FBXO9: variants seen among roughly 807,000 people sequenced by gnomAD.
FBXO9 encodes the protein F-box only protein 9.
In FBXO9, 43 loss-of-function variants were observed where a neutral mutation model predicts 63.7. That is an observed-to-expected ratio of 0.67 (90% CI 0.53 to 0.87). The LOEUF (loss-of-function observed/expected upper bound fraction) is 0.87, where lower values mean the gene tolerates loss of function less well. FBXO9 is among the 40% of genes least tolerant of loss of function. The pLI, the probability that FBXO9 is intolerant of heterozygous loss-of-function variation, is 0.00. For missense variants in FBXO9, 442 were observed against 533.2 expected (o/e 0.83, Z 1.68); for synonymous variants, 156 against 171.7 (o/e 0.91, Z 0.72).
At chr6:53,065,834 G>A in intron 1 of FBXO9, 42 bp downstream of exon 1, 13 of 1,314,136 alleles carry the variant, frequency 9.9e-6, no homozygotes, top group Non-Finnish European at 1.3e-5. Context: ...CCGCGGGGCG[G>A]GAGCGTGGTG....
Position 53,065,501 on chromosome 6 carries a change from A to G in FBXO9, c.-289A>G, listed in dbSNP as rs770854951. On this transcript the variant is annotated 5_prime_UTR_variant, in exon 1 of 13. Transcript: ENST00000323557. ...GGGCTGACGCTCCGGTGCTCGCACA[A>G]TCCCCCGCCTCGGCTGGCAACGGGC... 39 of 369,590 alleles carry G rather than the reference A, an allele frequency of 1.1e-4. No individual in the cohort carries two copies. Among genetic ancestry groups the G allele is most frequent in the Non-Finnish European group, 1.6e-4 (34 of 206,844 alleles). 22.9% of individuals were successfully genotyped at this position (369,590 alleles called of 1,614,324 possible).
chr6:53,077,497 A>G (rs1769159913), intron 4 of FBXO9, among the ~76,000 whole-genome samples: 1 of 151,126 alleles, frequency 6.6e-6, no homozygotes, highest in African/African-American at 2.4e-5. Context: ...AAAAAAAAAA[A>G]AAAGAAATAT....
At position 53,098,050 on chromosome 6, in the gene FBXO9, G is replaced by A. The variant is rs951864323; in HGVS notation, c.*220G>A. On this transcript the variant is annotated 3_prime_UTR_variant, in exon 13 of 13. Transcript: ENST00000323557. The stretch of plus-strand genomic sequence containing the variant: ...AATTGATTATTTTTTTTATTTAAAG[G>A]GATAGTTGATTCCTGGGGTGTTTTG... 3 of 197,706 alleles carry A rather than the reference G, an allele frequency of 1.5e-5. No individual in the cohort carries two copies. The highest frequency in any genetic ancestry group is 3.2e-5 in the Non-Finnish European group (3 of 93,228). The allele number at this position is 197,706 out of a possible 1,614,324, so 12.2% of individuals were successfully genotyped here.
At chr6:53,082,361 G>A in intron 6 of FBXO9, 143 bp from the exon 7 acceptor site, 1 of 473,718 alleles carries the variant, frequency 2.1e-6, no homozygotes, top group Admixed American at 3.7e-5. Context: ...TTATTGAGTA[G>A]CTAAATACAT....
intron 12 of FBXO9, 99 bp from the exon 13 acceptor site, chr6:53,097,623 A>G: frequency 3.4e-6 from 2 of 591,802 alleles, no homozygotes; most frequent in South Asian, 2.4e-5. Context: ...ATTAAAAATA[A>G]AAAAGGCTAA....
rs138182216 is a variant in FBXO9, at chr6:53,095,527, T to C, written c.1068T>C (p.Tyr356=). The part of the protein sequence containing the change: ...TKKKEEKPLD[Y]KYRYFRRVPV... ...TTCTTTTGCAGAAACCACTTGACTA[T>C]AAATACAGATATTTTCGTCGTGTCC... The change falls in exon 12 of 13, where the codon TAT becomes TAC. Residue 356 remains tyrosine, a synonymous_variant. Coordinates refer to ENST00000323557, the MANE Select transcript of FBXO9 (RefSeq NM_033480.3). 4.7e-5 allele frequency: 75 copies of C among 1,611,472 alleles called. 1 individual carries two copies. The African/African-American group carries it at 7.7e-4, about 17-fold the overall frequency.
intron 3 of FBXO9, among the ~76,000 whole-genome samples, chr6:53,074,232 C>A (rs1017563045): frequency 6.6e-6 from 1 of 152,084 alleles, no homozygotes; most frequent in Non-Finnish European, 1.5e-5. Flanking sequence ...TCTTATTCTT[C>A]TTCCATAGAG....
chr6:53,082,068 CA>C (rs1004703364), intron 6 of FBXO9, among the ~76,000 whole-genome samples: 13 of 144,090 alleles, frequency 9.0e-5, no homozygotes, highest in East Asian at 2.0e-4. Flanking sequence ...GAACCTGTCA[CA>C]AAAAAAAAAG....
Position 53,080,978 on chromosome 6 carries a change from A to G in FBXO9, c.418A>G (p.Asn140Asp), listed in dbSNP as rs1012965195. Residue 140 changes from asparagine (N) to aspartate (D), a missense_variant, in exon 6 of 13, where the codon AAT becomes GAT. Coordinates refer to ENST00000323557, the MANE Select transcript of FBXO9 (RefSeq NM_033480.3). ...CCTCCCTTTTTTCAGCATTGAAGAT[A>G]ATGATGATGACAGCAAAATGGCAGA... ...DGVGNSYIED[N>D]DDDSKMADLL... 20 of 1,613,580 alleles carry G rather than the reference A, an allele frequency of 1.2e-5. No individual in the cohort carries two copies. Among genetic ancestry groups the G allele is most frequent in the Non-Finnish European group, 1.5e-5 (18 of 1,179,844 alleles).
In FBXO9 at chr6:53,071,099, G is replaced by C; in HGVS notation, c.46G>C (p.Asp16His). The C allele has an allele frequency of 1.9e-6, 3 of 1,569,858 alleles. No homozygotes were observed. The highest frequency in any genetic ancestry group is 2.6e-6 in the Non-Finnish European group (3 of 1,153,978). Residue 16 changes from aspartate to histidine, a missense_variant, in exon 2 of 13, where the codon GAT (aspartate) becomes CAT (histidine). Physicochemically the swap from Asp to His is moderately conservative, Grantham distance 81 (BLOSUM62 -1). Transcript: ENST00000323557. Reference protein sequence around the residue: ...EDCHSDTVRADDDEENESPAE... With the variant: ...EDCHSDTVRAHDDEENESPAE... ...TTGTCATTCTGATACTGTCAGAGCA[G>C]ATGATGATGAAGAAAATGAAAGTCC...
intron 7 of FBXO9, among the ~76,000 whole-genome samples, chr6:53,085,529 A>T (rs539933074): frequency 2.0e-4 from 30 of 152,214 alleles, no homozygotes; most frequent in African/African-American, 6.7e-4. Context: ...ATCATGACTG[A>T]CACTGTCACA....
At chr6:53,094,022 C>T (rs1237936106) in intron 11 of FBXO9, 44 bp downstream of exon 11, 4 of 1,242,426 alleles carry the variant, frequency 3.2e-6, no homozygotes, top group Non-Finnish European at 4.5e-6. Flanking sequence ...ATCTTAATAG[C>T]CTATTCATCC....
At chr6:53,072,799 C>T (rs1011228714) in intron 2 of FBXO9, among the ~76,000 whole-genome samples, 7 of 151,938 alleles carry the variant, frequency 4.6e-5, no homozygotes, top group Non-Finnish European at 7.4e-5. Context: ...TGCTGACTGC[C>T]AACCTCTGCC....
intron 1 of FBXO9, chr6:53,066,244 A>T: frequency 1.4e-6 from 1 of 727,694 alleles, no homozygotes; most frequent in Non-Finnish European, 1.7e-6. Context: ...GCCCACCGAC[A>T]GTCCCTGCCG....
intron 5 of FBXO9, 83 bp downstream of exon 5, chr6:53,078,981 C>T: frequency 4.0e-6 from 4 of 988,260 alleles, no homozygotes; most frequent in Non-Finnish European, 6.4e-6. Context: ...TAAGATGGTG[C>T]TAATTCTGTT....
At chr6:53,084,191 G>A (rs753185839) in intron 7 of FBXO9, among the ~76,000 whole-genome samples, 1 of 152,126 alleles carries the variant, frequency 6.6e-6, no homozygotes, top group Non-Finnish European at 1.5e-5. Context: ...ATGAACCTAG[G>A]CTTAAGAACA....
chr6:53,068,638 A>ATG (rs1491348622), intron 1 of FBXO9, among the ~76,000 whole-genome samples: 1 of 14,502 alleles, frequency 6.9e-5, no homozygotes, highest in East Asian at 0.083. Flanking sequence ...ATCTTACGGA[A>ATG]TATATATATA....
At chr6:53,095,463 TAGA>T in intron 11 of FBXO9, 47 bp from the exon 12 acceptor site, 3 of 1,509,264 alleles carry the variant, frequency 2.0e-6, no homozygotes, top group Non-Finnish European at 2.7e-6. Context: ...TCTGTAAACA[TAGA>T]AGTGAGGTAA....
chr6:53,096,308 A>G (rs1047120731), intron 12 of FBXO9, among the ~76,000 whole-genome samples: 12 of 152,238 alleles, frequency 7.9e-5, no homozygotes, highest in Non-Finnish European at 1.0e-4. Context: ...TCCTGTGGCA[A>G]TTAAGGTTAG....
Sources: allele counts gnomAD v4.1 joint callset (sites outside exome capture counted in the v4.1 genomes callset), GRCh38; gene constraint gnomAD v4.1.1; transcripts MANE v1.5; gene names NCBI Gene and HGNC (gene_info 2026-07-23, HGNC 2026-07-21).